Variants in CDH9 observed in about 807,000 individuals in gnomAD.
CDH9 encodes cadherin-9.
In CDH9, 28 loss-of-function variants were observed where a neutral mutation model predicts 70.9. The observed-to-expected ratio is 0.40, with a 90% CI of 0.29 to 0.54. The LOEUF (loss-of-function observed/expected upper bound fraction) is 0.54. Among genes scored for constraint, CDH9 ranks in the 20% least tolerant of loss-of-function variants. The pLI, the probability that CDH9 is intolerant of heterozygous loss-of-function variation, is 0.59. For synonymous variants in CDH9, 409 were observed against 343.1 expected (o/e 1.19, Z -2.12); for missense variants, 874 against 984.4 (o/e 0.89, Z 1.50).
intron 1 of CDH9, among the ~76,000 whole-genome samples, chr5:27,017,414 A>G (rs1408193972): frequency 7.0e-6 from 1 of 143,624 alleles, no homozygotes; most frequent in Non-Finnish European, 1.5e-5. Flanking sequence ...CTGTTTCACA[A>G]TGCTTGAGTC....
At chr5:26,897,394 G>A (rs1390235335) in intron 7 of CDH9, among the ~76,000 whole-genome samples, 1 of 152,218 alleles carries the variant, frequency 6.6e-6, no homozygotes, top group East Asian at 1.9e-4. Flanking sequence ...CAATAACCCT[G>A]ATAAACATTG....
At chr5:26,943,098 CA>C (rs1741690327) in intron 2 of CDH9, among the ~76,000 whole-genome samples, 1 of 152,104 alleles carries the variant, frequency 6.6e-6, no homozygotes, top group African/African-American at 2.4e-5. Flanking sequence ...AAATTTTGCC[CA>C]GATACTTTAA....
chr5:26,977,071 A>C (rs2112079681), intron 2 of CDH9, among the ~76,000 whole-genome samples: 1 of 152,188 alleles, frequency 6.6e-6, no homozygotes, highest in African/African-American at 2.4e-5. Context: ...CAATAGAATT[A>C]TATTCCACAT....
At chr5:27,032,544 C>T (rs970435804) in intron 1 of CDH9, among the ~76,000 whole-genome samples, 5 of 151,764 alleles carry the variant, frequency 3.3e-5, no homozygotes, top group South Asian at 2.1e-4. Context: ...AAACTATTTT[C>T]TCTCTTCCAA....
chr5:26,892,407 T>C (rs1740675521), intron 7 of CDH9, among the ~76,000 whole-genome samples: 1 of 152,192 alleles, frequency 6.6e-6, no homozygotes, highest in Non-Finnish European at 1.5e-5. Context: ...AGATGAATCC[T>C]ATGCTGTAGC....
At chr5:26,891,981 G>A (rs1365152026) in intron 7 of CDH9, among the ~76,000 whole-genome samples, 1 of 152,074 alleles carries the variant, frequency 6.6e-6, no homozygotes, top group African/African-American at 2.4e-5. Flanking sequence ...TCCCTGCCTA[G>A]AATATACGGA....
In CDH9 at chr5:26,881,612, A is replaced by AG; in HGVS notation, c.1893_1894insC (p.Phe633ValfsTer30). On this transcript the variant is annotated frameshift_variant, in exon 12 of 12. Coordinates refer to ENST00000231021, the MANE Select transcript of CDH9 (RefSeq NM_016279.4). LOFTEE classifies it high-confidence loss of function. ...CTTTGCCTCTTCAATGCAGCAAACA[A>AG]CACGACTAAAACTATTAATAAGAAA... is the stretch of plus-strand genomic sequence containing the variant. 1 of 1,607,842 alleles carries AG rather than the reference A, an allele frequency of 6.2e-7. No individual in the cohort carries two copies. The highest frequency in any genetic ancestry group is 2.2e-5 in the East Asian group (1 of 44,850).
At chr5:26,934,480 G>A (rs1460223751) in intron 2 of CDH9, among the ~76,000 whole-genome samples, 2 of 151,670 alleles carry the variant, frequency 1.3e-5, no homozygotes, top group South Asian at 2.1e-4. Flanking sequence ...CAAAAAAATA[G>A]TAAGAACTCA....
At position 26,906,701 on chromosome 5, in the gene CDH9, C is replaced by G; in HGVS notation, c.643+18G>C. Reference sequence around the variant, plus strand: ...ATGTATTATACAATAAGAAGTCAGCCAAGTTTAAATGTTGTACCTGATTCT... The same window carrying G: ...ATGTATTATACAATAAGAAGTCAGCGAAGTTTAAATGTTGTACCTGATTCT... On this transcript the variant is annotated intron_variant, in intron 4 of 11. Coordinates refer to ENST00000231021, the MANE Select transcript of CDH9 (RefSeq NM_016279.4). The G allele has an allele frequency of 6.2e-7, 1 of 1,611,388 alleles. No homozygotes were observed. Among genetic ancestry groups the G allele is most frequent in the Non-Finnish European group, 8.5e-7 (1 of 1,178,816 alleles).
At chr5:26,900,202 A>G (rs936343161) in intron 7 of CDH9, among the ~76,000 whole-genome samples, 3 of 152,194 alleles carry the variant, frequency 2.0e-5, no homozygotes, top group East Asian at 3.9e-4. Context: ...TGTAGATACA[A>G]CTCATATAAA....
At chr5:26,979,401 A>T (rs1370785332) in intron 2 of CDH9, among the ~76,000 whole-genome samples, 1 of 151,794 alleles carries the variant, frequency 6.6e-6, no homozygotes, top group Non-Finnish European at 1.5e-5. Flanking sequence ...AAGAGCATAA[A>T]CATAGATGTT....
chr5:26,912,184 T>A (rs921661991), intron 3 of CDH9, among the ~76,000 whole-genome samples: 1 of 152,102 alleles, frequency 6.6e-6, no homozygotes, highest in African/African-American at 2.4e-5. Flanking sequence ...TAGAATTAAA[T>A]CATTGTGTAT....
intron 2 of CDH9, among the ~76,000 whole-genome samples, chr5:26,968,187 C>T (rs1428097666): frequency 1.3e-5 from 2 of 152,126 alleles, no homozygotes; most frequent in Non-Finnish European, 2.9e-5. Flanking sequence ...CTACAGAGTG[C>T]TGTTACTAAA....
rs1222475215 is a variant in CDH9, at chr5:26,881,087, A to G, written c.*49T>C. On this transcript the variant is annotated 3_prime_UTR_variant, in exon 12 of 12. Coordinates refer to ENST00000231021, the MANE Select transcript of CDH9 (RefSeq NM_016279.4). ...AAGAGAATGCAGGCCACTCAATCTA[A>G]TAACATAGACAGTACTTCCACTAAT... 1 of 1,499,698 alleles carries G rather than the reference A, an allele frequency of 6.7e-7. No individual in the cohort carries two copies. The allele number at this position is 1,499,698 out of a possible 1,614,324, so 92.9% of individuals were successfully genotyped here.
At chr5:26,888,995 G>T (rs977129060) in intron 9 of CDH9, among the ~76,000 whole-genome samples, 2 of 151,944 alleles carry the variant, frequency 1.3e-5, no homozygotes, top group Admixed American at 1.3e-4. Flanking sequence ...AATGACACTA[G>T]GGTTACATTT....
Position 27,013,496 on chromosome 5 carries a change from T to C in CDH9, c.-50+24967A>G, listed in dbSNP as rs116489206. Among the ~76,000 whole-genome samples, 306 of 152,126 alleles carry C rather than the reference T, an allele frequency of 2.0e-3. 3 individuals carry two copies. The highest frequency in any genetic ancestry group is 7.1e-3 in the African/African-American group (295 of 41,548). ...AGGCTTCACCAGCATCTCGCTATTATATGTGGCTATTTGGCCATTGAAGTT... is the reference window on the plus strand; with the variant it reads ...AGGCTTCACCAGCATCTCGCTATTACATGTGGCTATTTGGCCATTGAAGTT... On this transcript the variant is annotated intron_variant, in intron 1 of 11. Transcript: ENST00000231021.
chr5:26,989,509 T>C (rs13188468), intron 1 of CDH9, among the ~76,000 whole-genome samples: 3 of 41,344 alleles, frequency 7.3e-5, no homozygotes, highest in African/African-American at 3.8e-4. Context: ...CTCTTCTCTG[T>C]CTCTCTCTCT....
intron 2 of CDH9, among the ~76,000 whole-genome samples, chr5:26,966,028 C>A (rs13163831): frequency 0.011 from 1,633 of 152,236 alleles, 11 homozygotes; most frequent in Middle Eastern, 0.021. Flanking sequence ...GTGTTCTAAT[C>A]AACCTAAGCT....
Position 26,890,464 on chromosome 5 carries a change from G to T in CDH9, c.1354C>A (p.Pro452Thr), listed in dbSNP as rs1483541355. Residue 452 changes from proline to threonine, a missense_variant, in exon 8 of 12, where the codon CCT becomes ACT. Pro to Thr is a conservative substitution (Grantham distance 38, BLOSUM62 -1). Transcript: ENST00000231021. The stretch of plus-strand genomic sequence containing the variant: ...GCTGTAACAGTGATGTTATGCCAAG[G>T]AGATGATTCCCGGTCAAGGGCTTTC... ...TLKALDRESSPWHNITVTATE... is the reference protein window; with the variant it reads ...TLKALDRESSTWHNITVTATE... The T allele has an allele frequency of 6.2e-7, 1 of 1,613,466 alleles. No individual in the cohort carries two copies. The highest frequency in any genetic ancestry group is 8.5e-7 in the Non-Finnish European group (1 of 1,179,592).
Sources: gnomAD v4.1 joint callset for allele counts (sites outside exome capture counted in the v4.1 genomes callset) on GRCh38, gnomAD v4.1.1 for gene constraint, MANE v1.5 for transcripts, NCBI Gene and HGNC (gene_info 2026-07-23, HGNC 2026-07-21) for gene names.